The following KAZN variants were observed in gnomAD, a reference collection of about 807,000 sequenced individuals.
KAZN encodes kazrin, periplakin interacting protein.
Under a neutral mutation model 87.4 loss-of-function variants are expected in KAZN, and 40 were observed. That is an observed-to-expected ratio of 0.46 (90% CI 0.36 to 0.60). KAZN has a LOEUF of 0.60. Ranked by LOEUF, KAZN falls within the 20% of genes least tolerant of loss-of-function variation. The pLI is 0.00. For synonymous variants in KAZN, 466 were observed against 458.3 expected (o/e 1.02, Z -0.22); for missense variants, 898 against 1,073.9 (o/e 0.84, Z 2.29).
At chr1:14,763,167 A>C (rs1572419018) in intron 1 of KAZN, among the ~76,000 whole-genome samples, 1 of 152,318 alleles carries the variant, frequency 6.6e-6, no homozygotes, top group East Asian at 1.9e-4. Flanking sequence ...AGCAGGCAAG[A>C]GCTGCCATTA....
intron 2 of KAZN, among the ~76,000 whole-genome samples, chr1:15,012,993 G>A (rs977119154): frequency 6.6e-6 from 1 of 152,208 alleles, no homozygotes; most frequent in Non-Finnish European, 1.5e-5. Flanking sequence ...GTCCCAGCGT[G>A]TACCCAGAGG....
chr1:14,367,832 T>A (rs1438446147), intron 2 of KAZN, among the ~76,000 whole-genome samples: 1 of 152,208 alleles, frequency 6.6e-6, no homozygotes, highest in Admixed American at 6.5e-5. Flanking sequence ...CACCTGTGCT[T>A]CCATTTTCAA....
At chr1:14,663,086 T>A (rs1639300739) in intron 1 of KAZN, among the ~76,000 whole-genome samples, 1 of 151,750 alleles carries the variant, frequency 6.6e-6, no homozygotes, top group Admixed American at 6.6e-5. Context: ...TCTTCCTACC[T>A]CAGCCTCCTG....
At chr1:14,156,027 AT>A (rs2101812541) in intron 1 of KAZN, among the ~76,000 whole-genome samples, 1 of 152,148 alleles carries the variant, frequency 6.6e-6, no homozygotes, top group African/African-American at 2.4e-5. Context: ...AGGTTCTGAT[AT>A]ATTGTGTTTC....
chr1:14,504,915 C>A (rs2148434722), intron 2 of KAZN, among the ~76,000 whole-genome samples: 2 of 152,284 alleles, frequency 1.3e-5, no homozygotes, highest in Middle Eastern at 6.8e-3. Context: ...CTTGAACTAG[C>A]ATAGACAGAA....
chr1:14,418,007 A>G (rs1664957325), intron 2 of KAZN, among the ~76,000 whole-genome samples: 1 of 62,570 alleles, frequency 1.6e-5, no homozygotes, highest in African/African-American at 9.0e-5. Flanking sequence ...AAAAAAAAAA[A>G]AAAAAAAAAA....
intron 1 of KAZN, among the ~76,000 whole-genome samples, chr1:14,022,666 G>A (rs937313284): frequency 6.6e-6 from 1 of 152,134 alleles, no homozygotes; most frequent in Non-Finnish European, 1.5e-5. Context: ...GTGGTCTCAA[G>A]TGGTCTCATT....
chr1:13,960,649 A>G (rs1279911439), intron 1 of KAZN, among the ~76,000 whole-genome samples: 1 of 152,200 alleles, frequency 6.6e-6, no homozygotes, highest in East Asian at 1.9e-4. Flanking sequence ...TGATTTCCCA[A>G]ATCGGCTTGT....
chr1:14,474,361 T>A (rs1483898452), intron 2 of KAZN, among the ~76,000 whole-genome samples: 1 of 152,182 alleles, frequency 6.6e-6, no homozygotes, highest in East Asian at 1.9e-4. Context: ...CGTTCTACTT[T>A]CGTTGAAGTT....
intron 2 of KAZN, among the ~76,000 whole-genome samples, chr1:14,547,651 C>T (rs938837349): frequency 2.6e-5 from 4 of 152,232 alleles, no homozygotes; most frequent in East Asian, 3.9e-4. Flanking sequence ...GATGCAGTCT[C>T]GGCTCACTGC....
At chr1:14,926,180 C>T (rs1459863200) in intron 1 of KAZN, among the ~76,000 whole-genome samples, 1 of 152,220 alleles carries the variant, frequency 6.6e-6, no homozygotes, top group South Asian at 2.1e-4. Flanking sequence ...CATCTCCACC[C>T]TCATGAACTA....
intron 1 of KAZN, among the ~76,000 whole-genome samples, chr1:14,067,181 G>A (rs1273734753): frequency 6.6e-6 from 1 of 152,116 alleles, no homozygotes; most frequent in Admixed American, 6.5e-5. Flanking sequence ...GACCTTGTCT[G>A]TCTTGCCAAC....
intron 2 of KAZN, among the ~76,000 whole-genome samples, chr1:14,399,519 G>A (rs1308679105): frequency 2.0e-5 from 3 of 152,104 alleles, no homozygotes; most frequent in African/African-American, 7.2e-5. Context: ...CTCAGTAACA[G>A]GCAAGCAGCC....
chr1:14,405,979 G>A (rs1475101522), intron 2 of KAZN, among the ~76,000 whole-genome samples: 1 of 152,156 alleles, frequency 6.6e-6, no homozygotes, highest in African/African-American at 2.4e-5. Flanking sequence ...ATCTCAGATG[G>A]TTAATCGGTG....
At chr1:14,686,193 C>T (rs1045144970) in intron 1 of KAZN, among the ~76,000 whole-genome samples, 1 of 152,160 alleles carries the variant, frequency 6.6e-6, no homozygotes, top group Non-Finnish European at 1.5e-5. Context: ...CTCAGCCTCC[C>T]GAGTAGCTGG....
At chr1:14,180,941 CA>C (rs765602030) in intron 2 of KAZN, among the ~76,000 whole-genome samples, 1 of 152,150 alleles carries the variant, frequency 6.6e-6, no homozygotes, top group Non-Finnish European at 1.5e-5. Context: ...ATACTTGTCC[CA>C]AACAGCATAA....
At chr1:14,188,234 T>TGA (rs1481401680) in intron 2 of KAZN, among the ~76,000 whole-genome samples, 5 of 142,084 alleles carry the variant, frequency 3.5e-5, no homozygotes, top group Admixed American at 1.4e-4. Flanking sequence ...TGTGTGTGTG[T>TGA]GTGAAAGAGA....
chr1:14,933,868 G>A lies in KAZN; in HGVS notation c.227-26816G>A, dbSNP rs1660133580. On this transcript the variant is annotated intron_variant, in intron 1 of 14. Coordinates refer to ENST00000376030, the MANE Select transcript of KAZN (RefSeq NM_201628.3). Reference sequence around the variant, plus strand: ...TTTTTTCTTTTTTTTTTTTTTATGAGACGGAGTCTTGCTGTGTCACCCAGG... The same window carrying A: ...TTTTTTCTTTTTTTTTTTTTTATGAAACGGAGTCTTGCTGTGTCACCCAGG... Among the ~76,000 whole-genome samples the A allele has an allele frequency of 2.7e-5, 4 of 146,076 alleles. No homozygotes were observed. The South Asian group carries it at 8.6e-4, about 31-fold the overall frequency.
intron 1 of KAZN, among the ~76,000 whole-genome samples, chr1:13,917,002 A>G (rs1234562868): frequency 6.6e-6 from 1 of 151,998 alleles, no homozygotes; most frequent in African/African-American, 2.4e-5. Flanking sequence ...ACTAGTCTTG[A>G]TTTCTATTTG....
Sources: allele counts gnomAD v4.1 joint callset (sites outside exome capture counted in the v4.1 genomes callset), GRCh38; gene constraint gnomAD v4.1.1; transcripts MANE v1.5; gene names NCBI Gene and HGNC (gene_info 2026-07-23, HGNC 2026-07-21).